NRG3: variants seen among roughly 807,000 people sequenced by gnomAD.
NRG3 encodes pro-neuregulin-3, membrane-bound isoform.
Under a neutral mutation model 66.9 loss-of-function variants are expected in NRG3, and 31 were observed. The ratio of observed to expected loss-of-function variants is 0.46; its 90% CI spans 0.35 to 0.63. The LOEUF is 0.63. Ranked by LOEUF, NRG3 falls within the 20% of genes least tolerant of loss-of-function variation. NRG3 has a pLI of 0.00. For synonymous variants in NRG3, 393 were observed against 359.4 expected, an observed-to-expected ratio of 1.09 and a Z score of -1.06; for missense variants, 910 against 878.9, an observed-to-expected ratio of 1.04 and a Z score of -0.45.
At chr10:82,071,771 G>T (rs1023850946) in intron 1 of NRG3, among the ~76,000 whole-genome samples, 2 of 152,152 alleles carry the variant, frequency 1.3e-5, no homozygotes, top group Admixed American at 1.3e-4. Flanking sequence ...ACGCTGTGGA[G>T]CCAAGGAGAC....
In NRG3 at chr10:82,695,444, T is replaced by C. The variant is rs1565211112; in HGVS notation, c.954-43133T>C. On this transcript the variant is annotated intron_variant, in intron 2 of 8. Transcript: ENST00000372141. Reference sequence around the variant, plus strand: ...AATATAATAGGATCGCAGTTTAATATACGAGTATGAAAACTCATATGTTAA... The same window carrying C: ...AATATAATAGGATCGCAGTTTAATACACGAGTATGAAAACTCATATGTTAA... Among the ~76,000 whole-genome samples the C allele has an allele frequency of 3.9e-5, 6 of 152,116 alleles. No homozygotes were observed. In the South Asian group the frequency reaches 1.2e-3, roughly 31 times the overall value.
At chr10:82,892,588 C>T (rs574317015) in intron 4 of NRG3, among the ~76,000 whole-genome samples, 1 of 151,852 alleles carries the variant, frequency 6.6e-6, no homozygotes, top group South Asian at 2.1e-4. Context: ...ATTGCTTGAA[C>T]CTAGGAGATT....
chr10:82,888,333 T>C (rs954351778), intron 4 of NRG3, among the ~76,000 whole-genome samples: 1 of 152,202 alleles, frequency 6.6e-6, no homozygotes, highest in Non-Finnish European at 1.5e-5. Flanking sequence ...AATTCCATGA[T>C]CAAATATGTT....
chr10:82,784,294 A>G (rs1320933558), intron 3 of NRG3, among the ~76,000 whole-genome samples: 33 of 151,490 alleles, frequency 2.2e-4, no homozygotes, highest in Admixed American at 6.6e-4. Flanking sequence ...GGACATAGGC[A>G]TGGGCAAGGA....
chr10:82,577,407 T>C (rs1442412099), intron 2 of NRG3, among the ~76,000 whole-genome samples: 1 of 151,906 alleles, frequency 6.6e-6, no homozygotes, highest in East Asian at 1.9e-4. Flanking sequence ...TAAGAACAAA[T>C]TTTACAAAAA....
intron 1 of NRG3, among the ~76,000 whole-genome samples, chr10:81,975,569 A>G (rs1322705968): frequency 1.3e-5 from 2 of 152,064 alleles, no homozygotes; most frequent in African/African-American, 2.4e-5. Context: ...CACAAATTAA[A>G]GTATCATTAT....
intron 2 of NRG3, among the ~76,000 whole-genome samples, chr10:82,436,349 A>T (rs939782361): frequency 6.6e-5 from 10 of 152,088 alleles, no homozygotes; most frequent in Non-Finnish European, 1.3e-4. Flanking sequence ...AGAGGCTAGG[A>T]TTGCAACTCC....
intron 4 of NRG3, among the ~76,000 whole-genome samples, chr10:82,909,067 A>G (rs115412915): frequency 3.9e-5 from 6 of 152,342 alleles, no homozygotes; most frequent in African/African-American, 1.2e-4. Context: ...CTGGCTGACC[A>G]TCAGGAAACT....
intron 2 of NRG3, among the ~76,000 whole-genome samples, chr10:82,625,730 G>A (rs1217374591): frequency 6.6e-6 from 1 of 152,112 alleles, no homozygotes; most frequent in Non-Finnish European, 1.5e-5. Context: ...CAGATGTGCA[G>A]CATGTCAGAA....
At chr10:82,153,050 T>C (rs2070898364) in intron 1 of NRG3, among the ~76,000 whole-genome samples, 1 of 152,084 alleles carries the variant, frequency 6.6e-6, no homozygotes, top group Non-Finnish European at 1.5e-5. Flanking sequence ...TATCTACTTA[T>C]AATTATTTTG....
intron 2 of NRG3, among the ~76,000 whole-genome samples, chr10:82,578,601 AG>A (rs1371954942): frequency 7.9e-5 from 12 of 151,704 alleles, no homozygotes; most frequent in Admixed American, 2.6e-4. Flanking sequence ...GAATTTAAAC[AG>A]CTCAAGGTGA....
intron 1 of NRG3, among the ~76,000 whole-genome samples, chr10:82,333,005 T>C (rs569538044): frequency 1.3e-5 from 2 of 152,228 alleles, no homozygotes; most frequent in Non-Finnish European, 2.9e-5. Flanking sequence ...ACAATCGAGT[T>C]TTTGAACATA....
At chr10:82,722,256 C>T (rs1346944378) in intron 2 of NRG3, among the ~76,000 whole-genome samples, 1 of 152,190 alleles carries the variant, frequency 6.6e-6, no homozygotes, top group East Asian at 1.9e-4. Context: ...TCTTCTATCT[C>T]CACAATTCCA....
chr10:82,428,093 A>G (rs1050000353), intron 2 of NRG3, among the ~76,000 whole-genome samples: 3 of 151,838 alleles, frequency 2.0e-5, no homozygotes, highest in Non-Finnish European at 2.9e-5. Flanking sequence ...TTCTGTATTC[A>G]TGGTTAGTCT....
At chr10:82,311,456 G>A (rs1194188627) in intron 1 of NRG3, among the ~76,000 whole-genome samples, 2 of 152,196 alleles carry the variant, frequency 1.3e-5, no homozygotes, top group East Asian at 1.9e-4. Context: ...TGAAACAAAT[G>A]TTCTCATGAT....
At chr10:82,856,413 G>C (rs562111932) in intron 3 of NRG3, among the ~76,000 whole-genome samples, 1 of 152,026 alleles carries the variant, frequency 6.6e-6, no homozygotes, top group Non-Finnish European at 1.5e-5. Context: ...ATGGGGCTCA[G>C]TTGCACTACT....
chr10:81,878,055 C>T lies in NRG3; in HGVS notation c.823+1892C>T, dbSNP rs747729092. The stretch of plus-strand genomic sequence containing the variant: ...TTTCATGTTCTTTCTCAATTGATTT[C>T]CTTGTGTACCATTCCGGAGGTCTTT... On this transcript the variant is annotated intron_variant, in intron 1 of 8. Coordinates refer to ENST00000372141, the MANE Select transcript of NRG3 (RefSeq NM_001010848.4). 1.3e-5 allele frequency: 20 copies of T among 1,537,140 alleles called. No homozygotes were observed. In the South Asian group the frequency reaches 2.1e-4, roughly 16 times the overall value.
intron 1 of NRG3, among the ~76,000 whole-genome samples, chr10:82,215,963 CT>C (rs71894841): frequency 9.6e-4 from 86 of 89,700 alleles, no homozygotes; most frequent in Admixed American, 2.1e-3. Context: ...TTATGTTTTC[CT>C]TTTTTTTTTT....
chr10:82,630,278 A>C (rs986371410), intron 2 of NRG3, among the ~76,000 whole-genome samples: 2 of 152,302 alleles, frequency 1.3e-5, no homozygotes, highest in South Asian at 4.1e-4. Flanking sequence ...GAAGAACAGC[A>C]ATATGAAAAT....
Sources: allele counts gnomAD v4.1 joint callset (sites outside exome capture counted in the v4.1 genomes callset), GRCh38; gene constraint gnomAD v4.1.1; transcripts MANE v1.5; gene names NCBI Gene and HGNC (gene_info 2026-07-23, HGNC 2026-07-21).